Variants in PIEZO2 observed in about 807,000 individuals in gnomAD.
The protein encoded by PIEZO2 is piezo type mechanosensitive ion channel component 2, also known as piezo-type mechanosensitive ion channel component 2.
In PIEZO2, 172 loss-of-function variants were observed where a neutral mutation model predicts 337.3. The ratio of observed to expected loss-of-function variants is 0.51; its 90% CI spans 0.45 to 0.58. The LOEUF (loss-of-function observed/expected upper bound fraction) is 0.58. Ranked by LOEUF, PIEZO2 falls within the 20% of genes least tolerant of loss-of-function variation. PIEZO2 has a pLI of 0.00. For missense variants in PIEZO2, 3,028 were observed against 3,391.3 expected, an observed-to-expected ratio of 0.89 and a Z score of 2.66; for synonymous variants, 1,251 against 1,228.5, an observed-to-expected ratio of 1.02 and a Z score of -0.38.
intron 3 of PIEZO2, among the ~76,000 whole-genome samples, chr18:10,930,789 A>T (rs1001572866): frequency 1.3e-5 from 2 of 152,184 alleles, no homozygotes; most frequent in Admixed American, 6.5e-5. Flanking sequence ...TTAAAGATAA[A>T]TTTTTTTGAA....
intron 2 of PIEZO2, among the ~76,000 whole-genome samples, chr18:10,984,837 A>T (rs75281915): frequency 0.033 from 5,069 of 152,264 alleles, 146 homozygotes; most frequent in African/African-American, 0.072. Flanking sequence ...TGAAAGCAGC[A>T]AGAGAAAAGC....
intron 7 of PIEZO2, among the ~76,000 whole-genome samples, chr18:10,851,395 CAACTT>C (rs2144670380): frequency 6.6e-6 from 1 of 152,220 alleles, no homozygotes; most frequent in African/African-American, 2.4e-5. Flanking sequence ...CCCTGATAAG[CAACTT>C]AACTTCCAAT....
intron 2 of PIEZO2, among the ~76,000 whole-genome samples, chr18:10,997,581 A>G (rs2035372226): frequency 6.6e-6 from 1 of 152,200 alleles, no homozygotes; most frequent in Non-Finnish European, 1.5e-5. Flanking sequence ...ACAAAAATTA[A>G]TCAAATAAAA....
rs1460638476 is a variant in PIEZO2 at position 11,126,555 on chromosome 18, T to C, written c.64+21970A>G. ...TGATGAATACCATCAGCAATTTTTTTACTCTGAGAACTACAGAGAAGCTGA... is the reference window on the plus strand; with the variant it reads ...TGATGAATACCATCAGCAATTTTTTCACTCTGAGAACTACAGAGAAGCTGA... On this transcript the variant is annotated intron_variant, in intron 1 of 55. Transcript: ENST00000674853. The surrounding 1 kb of genome is among the most constrained non-coding windows in gnomAD (Gnocchi z 4.6). Among the ~76,000 whole-genome samples the C allele has an allele frequency of 6.6e-6, 1 of 152,054 alleles. No homozygotes were observed. Among genetic ancestry groups the C allele is most frequent in the Admixed American group, 6.6e-5 (1 of 15,260 alleles).
At chr18:10,811,987 C>T (rs1018881772) in intron 7 of PIEZO2, among the ~76,000 whole-genome samples, 1 of 152,212 alleles carries the variant, frequency 6.6e-6, no homozygotes, top group Non-Finnish European at 1.5e-5. Flanking sequence ...GCGCCCGCCA[C>T]CACGCCCGGC....
Position 10,754,996 on chromosome 18 carries a change from C to T in PIEZO2, c.3924-2117G>A, listed in dbSNP as rs1016877316. On this transcript the variant is annotated intron_variant, in intron 27 of 55. Transcript: ENST00000674853. The stretch of plus-strand genomic sequence containing the variant: ...GTGCAAAGCTTGGAACAGAGCCTGG[C>T]GCAAAGGGAGTAGCAGGTGGCTGAC... Among the ~76,000 whole-genome samples the T allele has an allele frequency of 4.6e-5, 7 of 152,080 alleles. 1 individual carries two copies. The highest frequency in any genetic ancestry group is 2.6e-4 in the Admixed American group (4 of 15,264).
At chr18:10,896,544 G>A (rs1211487672) in intron 4 of PIEZO2, among the ~76,000 whole-genome samples, 1 of 152,156 alleles carries the variant, frequency 6.6e-6, no homozygotes, top group Non-Finnish European at 1.5e-5. Context: ...TTCTCATGAT[G>A]GCCGAGTGAA....
chr18:10,937,330 G>T (rs752558153), intron 3 of PIEZO2, among the ~76,000 whole-genome samples: 1 of 152,094 alleles, frequency 6.6e-6, no homozygotes, highest in Non-Finnish European at 1.5e-5. Flanking sequence ...CTTAACTGGG[G>T]CATCCTAAAC....
chr18:11,027,926 G>A lies in PIEZO2; in HGVS notation c.160+38201C>T, dbSNP rs1335604485. Among the ~76,000 whole-genome samples the A allele has an allele frequency of 2.6e-5, 4 of 152,196 alleles. No individual in the cohort carries two copies. Among genetic ancestry groups the A allele is most frequent in the South Asian group, 2.1e-4 (1 of 4,830 alleles). On this transcript the variant is annotated intron_variant, in intron 2 of 55. Transcript: ENST00000674853. The surrounding 1 kb of genome is among the most constrained non-coding windows in gnomAD (Gnocchi z 4.2). The stretch of plus-strand genomic sequence containing the variant: ...TGTTAAATATACTAGAAGAGCCTTC[G>A]TAGAGTACTCTTTGATAAATTCTTC...
At chr18:11,084,064 T>G (rs1215236550) in intron 1 of PIEZO2, among the ~76,000 whole-genome samples, 1 of 151,204 alleles carries the variant, frequency 6.6e-6, no homozygotes, top group Non-Finnish European at 1.5e-5. Context: ...GTAATCCCAG[T>G]TACTCGGGAG....
At chr18:10,790,580 A>G (rs546958682) in intron 14 of PIEZO2, among the ~76,000 whole-genome samples, 1 of 152,372 alleles carries the variant, frequency 6.6e-6, no homozygotes, top group East Asian at 1.9e-4. Flanking sequence ...TTTAAATGTG[A>G]AAGATGTGAC....
intron 3 of PIEZO2, among the ~76,000 whole-genome samples, chr18:10,966,657 T>A (rs1306484871): frequency 2.6e-5 from 4 of 152,136 alleles, no homozygotes; most frequent in African/African-American, 7.2e-5. Context: ...GGGAAACAGA[T>A]GTTGTTTGGT....
At chr18:10,801,009 C>T (rs1330601385) in intron 10 of PIEZO2, among the ~76,000 whole-genome samples, 1 of 152,232 alleles carries the variant, frequency 6.6e-6, no homozygotes, top group Non-Finnish European at 1.5e-5. Flanking sequence ...TATGTCCTTA[C>T]TACACCACTA....
chr18:10,884,775 C>G (rs1162104640), intron 4 of PIEZO2, among the ~76,000 whole-genome samples: 1 of 152,148 alleles, frequency 6.6e-6, no homozygotes, highest in Non-Finnish European at 1.5e-5. Flanking sequence ...ATAAGATACA[C>G]AGTGGGTGGC....
At chr18:11,060,958 G>C (rs563923310) in intron 2 of PIEZO2, among the ~76,000 whole-genome samples, 1 of 152,266 alleles carries the variant, frequency 6.6e-6, no homozygotes, top group East Asian at 1.9e-4. Context: ...AACAAAACAA[G>C]AGAATTTTAG....
chr18:11,122,632 C>T (rs897405385), intron 1 of PIEZO2, among the ~76,000 whole-genome samples: 6 of 152,180 alleles, frequency 3.9e-5, no homozygotes, highest in Non-Finnish European at 8.8e-5. Flanking sequence ...GAATGTATTT[C>T]TATTAATTAA....
Position 11,109,717 on chromosome 18 carries a change from CA to C in PIEZO2, c.64+38807del, listed in dbSNP as rs374542866. ...TGGAAGACAGAGTGAGACTCCATCTCAAAAAAAAAAGGTACTAGAAACAGAA... is the reference window on the plus strand; with the variant it reads ...TGGAAGACAGAGTGAGACTCCATCTCAAAAAAAAAGGTACTAGAAACAGAA... On this transcript the variant is annotated intron_variant, in intron 1 of 55. Coordinates refer to ENST00000674853, the MANE Select transcript of PIEZO2 (RefSeq NM_001378183.1). This position sits in a 1 kb window ranked among gnomAD's most constrained non-coding sequence, Gnocchi z 5.1. Among the ~76,000 whole-genome samples, 14 of 142,178 alleles carry C rather than the reference CA, an allele frequency of 9.8e-5. No individual in the cohort carries two copies. Among genetic ancestry groups the C allele is most frequent in the East Asian group, 4.1e-4 (2 of 4,886 alleles). 93.3% of individuals were successfully genotyped at this position (142,178 alleles called of 152,430 possible).
intron 2 of PIEZO2, among the ~76,000 whole-genome samples, chr18:10,998,722 G>T (rs1445341316): frequency 1.3e-5 from 2 of 151,774 alleles, no homozygotes; most frequent in Non-Finnish European, 2.9e-5. Flanking sequence ...GTGATTATTA[G>T]AATGCCAACA....
rs1261223415 is a variant in PIEZO2, at chr18:11,131,874, C to T, written c.64+16651G>A. Among the ~76,000 whole-genome samples, 1 of 152,180 alleles carries T rather than the reference C, an allele frequency of 6.6e-6. No homozygotes were observed. The highest frequency in any genetic ancestry group is 1.9e-4 in the East Asian group (1 of 5,176). On this transcript the variant is annotated intron_variant, in intron 1 of 55. Transcript: ENST00000674853. The surrounding 1 kb of genome is among the most constrained non-coding windows in gnomAD (Gnocchi z 5.3). ...GATGACCTGTTGTGTGGACACCACTCAGCCTCTTTCCCCAGCCACCCAATG... is the reference window on the plus strand; with the variant it reads ...GATGACCTGTTGTGTGGACACCACTTAGCCTCTTTCCCCAGCCACCCAATG...
Sources: allele counts gnomAD v4.1 joint callset (sites outside exome capture counted in the v4.1 genomes callset), GRCh38; gene constraint gnomAD v4.1.1; non-coding constraint Gnocchi (gnomAD v3.1); transcripts MANE v1.5; gene names NCBI Gene and HGNC (gene_info 2026-07-23, HGNC 2026-07-21).